The following UBR3 variants were observed in gnomAD, a reference collection of about 807,000 sequenced individuals.
The protein encoded by UBR3 is E3 ubiquitin-protein ligase UBR3.
Under a neutral mutation model 243.2 loss-of-function variants are expected in UBR3, and 85 were observed. The observed-to-expected ratio is 0.35, with a 90% CI of 0.29 to 0.42. The LOEUF (loss-of-function observed/expected upper bound fraction) is 0.42. UBR3 is among the 10% of genes least tolerant of loss of function. The pLI, the probability that UBR3 is intolerant of heterozygous loss-of-function variation, is 1.00. For synonymous variants in UBR3, 748 were observed against 799.8 expected (o/e 0.94, Z 1.09); for missense variants, 1,686 against 2,300.8 (o/e 0.73, Z 5.47).
intron 19 of UBR3, among the ~76,000 whole-genome samples, chr2:169,935,675 TTATA>T (rs893796658): frequency 6.6e-6 from 1 of 152,230 alleles, no homozygotes; most frequent in African/African-American, 2.4e-5. Context: ...ATGTATGAGT[TTATA>T]TATATCATTT....
At chr2:170,024,369 A>G (rs976243138) in intron 30 of UBR3, among the ~76,000 whole-genome samples, 1 of 151,488 alleles carries the variant, frequency 6.6e-6, no homozygotes, top group African/African-American at 2.4e-5. Flanking sequence ...AAAAAAAAAA[A>G]AAAAAAGAGA....
chr2:169,839,501 A>G (rs1364378079), intron 1 of UBR3, among the ~76,000 whole-genome samples: 1 of 116,738 alleles, frequency 8.6e-6, no homozygotes, highest in Non-Finnish European at 2.1e-5. Flanking sequence ...ATTGTAAATT[A>G]CAAAATAGCT....
chr2:169,854,228 A>G (rs1338116875), intron 1 of UBR3, among the ~76,000 whole-genome samples: 1 of 152,238 alleles, frequency 6.6e-6, no homozygotes, highest in Non-Finnish European at 1.5e-5. Context: ...ATAATTAATA[A>G]TATGAAAAAT....
chr2:169,840,265 A>G (rs1032740844), intron 1 of UBR3, among the ~76,000 whole-genome samples: 1 of 152,002 alleles, frequency 6.6e-6, no homozygotes, highest in Admixed American at 6.6e-5. Flanking sequence ...TCTGGGCCTG[A>G]GCTGTCTTAT....
At chr2:170,022,820 T>G (rs1240535573) in intron 30 of UBR3, among the ~76,000 whole-genome samples, 17 of 152,138 alleles carry the variant, frequency 1.1e-4, no homozygotes, top group Admixed American at 9.2e-4. Flanking sequence ...TAGGGAGAGA[T>G]GAGTCAGCTC....
intron 24 of UBR3, among the ~76,000 whole-genome samples, chr2:169,981,986 C>A (rs1006916893): frequency 6.6e-6 from 1 of 152,100 alleles, no homozygotes; most frequent in African/African-American, 2.4e-5. Flanking sequence ...TGAGGGAAGT[C>A]AGACTTCTTA....
At chr2:169,829,816 C>T (rs1327735301) in intron 1 of UBR3, among the ~76,000 whole-genome samples, 176 of 15,718 alleles carry the variant, frequency 0.011, 2 homozygotes, top group Middle Eastern at 0.1. Context: ...CTAAAAAGTA[C>T]ACACACACAC....
intron 19 of UBR3, among the ~76,000 whole-genome samples, chr2:169,938,916 A>G (rs1363837327): frequency 6.6e-6 from 1 of 152,160 alleles, no homozygotes; most frequent in Admixed American, 6.5e-5. Context: ...TGCCTGTTCA[A>G]CAACCTGGGC....
chr2:169,923,092 T>G (rs2085768939), intron 11 of UBR3, among the ~76,000 whole-genome samples: 1 of 152,208 alleles, frequency 6.6e-6, no homozygotes, highest in African/African-American at 2.4e-5. Flanking sequence ...ATTTTTGCCC[T>G]GTAGTGATTT....
chr2:170,041,697 A>G (rs1237201770), intron 32 of UBR3, among the ~76,000 whole-genome samples: 1 of 152,174 alleles, frequency 6.6e-6, no homozygotes, highest in African/African-American at 2.4e-5. Context: ...TTGTTTAACT[A>G]TTACAAGTTA....
intron 19 of UBR3, among the ~76,000 whole-genome samples, chr2:169,937,959 G>A (rs543658366): frequency 1.2e-4 from 19 of 152,260 alleles, no homozygotes; most frequent in African/African-American, 3.9e-4. Context: ...ACAAGGCCTA[G>A]GGACTCTGAG....
chr2:169,846,034 G>C (rs1218487086), intron 1 of UBR3, among the ~76,000 whole-genome samples: 1 of 152,180 alleles, frequency 6.6e-6, no homozygotes, highest in East Asian at 1.9e-4. Flanking sequence ...TTATTATTCT[G>C]TTGTGGGGTG....
chr2:169,991,084 A>G (rs1419304042), intron 25 of UBR3, among the ~76,000 whole-genome samples: 1 of 152,170 alleles, frequency 6.6e-6, no homozygotes, highest in East Asian at 1.9e-4. Flanking sequence ...GACAAAATAA[A>G]CTGTAAGTTA....
In UBR3 at chr2:169,859,239, T is replaced by G. The variant is rs137953719; in HGVS notation, c.546-12997T>G. Among the ~76,000 whole-genome samples the G allele has an allele frequency of 1.2e-4, 19 of 152,144 alleles. No homozygotes were observed. The East Asian group carries it at 3.7e-3, about 29-fold the overall frequency. On this transcript the variant is annotated intron_variant, in intron 1 of 38. Transcript: ENST00000272793. ...GGCACCCACCACCATGCCTGGCTAA[T>G]TTTTTGTGTATTTGGTAGAGATGGG...
intron 31 of UBR3, among the ~76,000 whole-genome samples, chr2:170,031,862 T>C (rs1056002307): frequency 2.0e-5 from 3 of 152,160 alleles, no homozygotes; most frequent in Non-Finnish European, 2.9e-5. Context: ...ATTTCATTCT[T>C]TTTATAGCTG....
At position 169,926,981 on chromosome 2, in the gene UBR3, A is replaced by ACTGATAC. The variant is rs1202945064; in HGVS notation, c.2338+11_2338+17dup. Reference sequence around the variant, plus strand: ...CTTCGTTTACATTTAGGTAAAACTCACTGATACTAATACTTATGCATTAAC... The same window carrying ACTGATAC: ...CTTCGTTTACATTTAGGTAAAACTCACTGATACCTGATACTAATACTTATGCATTAAC... On this transcript the variant is annotated intron_variant, in intron 16 of 38. Coordinates refer to ENST00000272793, the MANE Select transcript of UBR3 (RefSeq NM_172070.4). 4.5e-6 allele frequency: 7 copies of ACTGATAC among 1,549,298 alleles called. No individual in the cohort carries two copies. Among genetic ancestry groups the ACTGATAC allele is most frequent in the Non-Finnish European group, 6.1e-6 (7 of 1,145,810 alleles).
chr2:169,857,640 T>C (rs1430262655), intron 1 of UBR3, among the ~76,000 whole-genome samples: 1 of 151,880 alleles, frequency 6.6e-6, no homozygotes, highest in Non-Finnish European at 1.5e-5. Context: ...TTGGCTAGGC[T>C]GATCTCAAAC....
At chr2:170,026,594 G>A (rs1030069498) in intron 30 of UBR3, among the ~76,000 whole-genome samples, 2 of 152,050 alleles carry the variant, frequency 1.3e-5, no homozygotes, top group African/African-American at 4.8e-5. Context: ...AGACAGTGGT[G>A]CTTCCTATAC....
chr2:169,907,337 A>C (rs2085056760), intron 10 of UBR3, among the ~76,000 whole-genome samples: 1 of 152,098 alleles, frequency 6.6e-6, no homozygotes, highest in Non-Finnish European at 1.5e-5. Flanking sequence ...TTTAAAAACT[A>C]TCTGTCCATA....
Sources: allele counts gnomAD v4.1 joint callset (sites outside exome capture counted in the v4.1 genomes callset), GRCh38; gene constraint gnomAD v4.1.1; transcripts MANE v1.5; gene names NCBI Gene and HGNC (gene_info 2026-07-23, HGNC 2026-07-21).